The following ERICH6 variants were observed in gnomAD, a reference collection of about 807,000 sequenced individuals.
ERICH6 encodes glutamate rich 6.
Under a neutral mutation model 71.0 loss-of-function variants are expected in ERICH6, and 71 were observed. That is an observed-to-expected ratio of 1.00 (90% CI 0.83 to 1.22). The LOEUF (loss-of-function observed/expected upper bound fraction) is 1.22, where lower values mean the gene tolerates loss of function less well. ERICH6 is among the 50% of genes most tolerant of loss of function. ERICH6 has a pLI of 0.00. For missense variants in ERICH6, 808 were observed against 797.2 expected (o/e 1.01, Z -0.16); for synonymous variants, 262 against 278.4 (o/e 0.94, Z 0.59).
Position 150,678,706 on chromosome 3 carries a change from A to G in ERICH6, c.1112-152T>C, listed in dbSNP as rs1030296782. On this transcript the variant is annotated intron_variant, in intron 9 of 13. Coordinates refer to ENST00000295910, the MANE Select transcript of ERICH6 (RefSeq NM_152394.5). ...TTTCATCATCTTTAAAAATTTTATT[A>G]TTCCCCCTTGTCAAAAAATGAGAAC... The G allele has an allele frequency of 1.4e-5, 9 of 628,308 alleles. No homozygotes were observed. The African/African-American group carries it at 1.7e-4, about 12-fold the overall frequency. 38.9% of individuals were successfully genotyped at this position (628,308 alleles called of 1,614,324 possible).
chr3:150,698,653 A>C (rs902264146), intron 3 of ERICH6, 138 bp downstream of exon 3: 6 of 616,860 alleles, frequency 9.7e-6, no homozygotes, highest in Non-Finnish European at 1.7e-5. Flanking sequence ...AAAGAGGGTA[A>C]GCAACTTGCC....
At chr3:150,663,944 A>G (rs1406042964) in intron 13 of ERICH6, among the ~76,000 whole-genome samples, 1 of 152,168 alleles carries the variant, frequency 6.6e-6, no homozygotes, top group African/African-American at 2.4e-5. Flanking sequence ...ATAATCTGAT[A>G]ATATAATCAG....
chr3:150,703,022 G>A (rs1269324329), intron 1 of ERICH6, among the ~76,000 whole-genome samples: 1 of 146,078 alleles, frequency 6.8e-6, no homozygotes. Context: ...GAGATGTCAC[G>A]GTGTGAATGC....
In ERICH6 at chr3:150,685,832, G is replaced by A. The variant is rs149996868; in HGVS notation, c.693C>T (p.Phe231=). Residue 231 remains phenylalanine (F), a synonymous_variant, in exon 6 of 14, where the codon TTC becomes TTT. Transcript: ENST00000295910. ...LEFKEDFITL[F]EPSLRTLPSI... ...TGGGTAACGTTCTTAGAGAAGGCTC[G>A]AACAGTGTTATGAAGTCTTCCTTAA... 432 of 1,614,066 alleles carry A rather than the reference G, an allele frequency of 2.7e-4. 1 individual carries two copies. The highest frequency in any genetic ancestry group is 3.2e-4 in the Non-Finnish European group (374 of 1,179,986).
intron 4 of ERICH6, 50 bp from the exon 5 acceptor site, chr3:150,686,071 T>C: frequency 1.4e-6 from 2 of 1,433,032 alleles, no homozygotes; most frequent in Non-Finnish European, 2.0e-6. Flanking sequence ...CTTTGTGCAG[T>C]GCATTCCACT....
chr3:150,674,635 A>G (rs1031778644), intron 10 of ERICH6, among the ~76,000 whole-genome samples: 1 of 152,176 alleles, frequency 6.6e-6, no homozygotes, highest in African/African-American at 2.4e-5. Flanking sequence ...CAATACACAC[A>G]CATATGCAAT....
intron 10 of ERICH6, 142 bp from the exon 11 acceptor site, chr3:150,674,183 A>G (rs950348276): frequency 1.1e-5 from 7 of 623,542 alleles, no homozygotes; most frequent in Non-Finnish European, 1.9e-5. Flanking sequence ...CAACAACAGG[A>G]GACAACCCTT....
In ERICH6 at chr3:150,669,459, C is replaced by A; in HGVS notation, c.1344-8G>T. 2 of 1,611,332 alleles carry A rather than the reference C, an allele frequency of 1.2e-6. No individual in the cohort carries two copies. Among genetic ancestry groups the A allele is most frequent in the Non-Finnish European group, 1.7e-6 (2 of 1,179,216 alleles). On this transcript the variant is annotated splice_region_variant and splice_polypyrimidine_tract_variant and intron_variant, in intron 11 of 13. Coordinates refer to ENST00000295910, the MANE Select transcript of ERICH6 (RefSeq NM_152394.5). ...AGGTTTCCAGATGGATAGCTGAGAT[C>A]AGATAAGGTCATATAAATTGTTCTA...
intron 2 of ERICH6, 152 bp from the exon 3 acceptor site, chr3:150,699,034 A>C: frequency 1.6e-6 from 1 of 622,064 alleles, no homozygotes; most frequent in South Asian, 2.0e-5. Flanking sequence ...TTTTCAGTAA[A>C]GTTAACTCAG....
At chr3:150,700,121 C>A (rs1241498333) in intron 2 of ERICH6, among the ~76,000 whole-genome samples, 1 of 151,832 alleles carries the variant, frequency 6.6e-6, no homozygotes, top group Non-Finnish European at 1.5e-5. Context: ...GTTGCCCAGG[C>A]TGGAGTGCAG....
intron 9 of ERICH6, among the ~76,000 whole-genome samples, chr3:150,679,826 T>G (rs1282305705): frequency 1.3e-5 from 2 of 152,112 alleles, no homozygotes; most frequent in Non-Finnish European, 2.9e-5. Flanking sequence ...CCCAGCTAAT[T>G]TTTGTATTTT....
intron 3 of ERICH6, among the ~76,000 whole-genome samples, chr3:150,694,638 A>C (rs1712584326): frequency 6.6e-6 from 1 of 152,186 alleles, no homozygotes; most frequent in East Asian, 1.9e-4. Flanking sequence ...GAAGCCCTCA[A>C]AATCATCTTT....
intron 13 of ERICH6, among the ~76,000 whole-genome samples, chr3:150,660,668 T>C (rs1727187974): frequency 6.6e-6 from 1 of 152,232 alleles, no homozygotes; most frequent in South Asian, 2.1e-4. Flanking sequence ...CTCTCCCCAC[T>C]CTCTCACAGC....
intron 11 of ERICH6, 83 bp from the exon 12 acceptor site, chr3:150,669,534 TGAA>T: frequency 6.9e-7 from 1 of 1,441,938 alleles, no homozygotes; most frequent in Non-Finnish European, 9.5e-7. Context: ...GAGAGCACTC[TGAA>T]ATCATAAAGC....
chr3:150,696,679 G>T (rs926980982), intron 3 of ERICH6, among the ~76,000 whole-genome samples: 2 of 152,040 alleles, frequency 1.3e-5, no homozygotes, highest in Admixed American at 1.3e-4. Flanking sequence ...CATATTATTG[G>T]TATCAAGTTG....
intron 1 of ERICH6, among the ~76,000 whole-genome samples, chr3:150,702,875 C>G (rs1336294961): frequency 7.6e-6 from 1 of 131,820 alleles, no homozygotes; most frequent in African/African-American, 2.8e-5. Context: ...AGGCACTTCT[C>G]TGGAAATAAT....
chr3:150,679,371 C>T (rs900637483), intron 9 of ERICH6, among the ~76,000 whole-genome samples: 2 of 152,096 alleles, frequency 1.3e-5, no homozygotes, highest in Admixed American at 1.3e-4. Flanking sequence ...ACTACCCTCC[C>T]ACCCTTTCCC....
intron 13 of ERICH6, among the ~76,000 whole-genome samples, chr3:150,662,817 C>T (rs932038144): frequency 1.3e-5 from 2 of 152,082 alleles, no homozygotes; most frequent in African/African-American, 2.4e-5. Flanking sequence ...CAGAAAAGGA[C>T]GCTGCGCAGA....
chr3:150,673,191 C>T (rs982908272), intron 11 of ERICH6, among the ~76,000 whole-genome samples: 1 of 149,616 alleles, frequency 6.7e-6, no homozygotes, highest in Non-Finnish European at 1.5e-5. Context: ...TCCTCTCTTT[C>T]CTCTCTCTTT....
Sources: gnomAD v4.1 joint callset for allele counts (sites outside exome capture counted in the v4.1 genomes callset) on GRCh38, gnomAD v4.1.1 for gene constraint, MANE v1.5 for transcripts, NCBI Gene and HGNC (gene_info 2026-07-23, HGNC 2026-07-21) for gene names.